The following MTMR2 variants were observed in gnomAD, a reference collection of about 807,000 sequenced individuals.
MTMR2 encodes the protein myotubularin related protein 2, also known as phosphatidylinositol-3,5-bisphosphate 3-phosphatase MTMR2.
A neutral mutation model predicts 86.9 loss-of-function variants in MTMR2; 55 were observed. That is an observed-to-expected ratio of 0.63 (90% CI 0.51 to 0.79). MTMR2 has a LOEUF of 0.79. MTMR2 is among the 30% of genes least tolerant of loss of function. The probability of loss-of-function intolerance (pLI) is 0.00; values close to 1 mark genes in which losing one functional copy is unlikely to be tolerated. For synonymous variants in MTMR2, 241 were observed against 266.8 expected, an observed-to-expected ratio of 0.90 and a Z score of 0.94; for missense variants, 659 against 772.3, an observed-to-expected ratio of 0.85 and a Z score of 1.74.
At chr11:95,864,497 C>A (rs1864536465) in intron 3 of MTMR2, among the ~76,000 whole-genome samples, 1 of 152,152 alleles carries the variant, frequency 6.6e-6, no homozygotes, top group Non-Finnish European at 1.5e-5. Flanking sequence ...GCCTTAGTTT[C>A]CTTCCTCACC....
At chr11:95,891,979 A>G (rs1865731732) in intron 1 of MTMR2, among the ~76,000 whole-genome samples, 1 of 152,200 alleles carries the variant, frequency 6.6e-6, no homozygotes, top group Admixed American at 6.5e-5. Context: ...TGCCTTTAGC[A>G]GCTACTCAGA....
chr11:95,878,625 C>T (rs113928589), intron 2 of MTMR2, among the ~76,000 whole-genome samples: 4,716 of 152,106 alleles, frequency 0.031, 131 homozygotes, highest in South Asian at 0.073. Flanking sequence ...TAATTTAATG[C>T]TTCCTTGACT....
At chr11:95,900,347 A>G (rs1866025490) in intron 1 of MTMR2, among the ~76,000 whole-genome samples, 1 of 152,192 alleles carries the variant, frequency 6.6e-6, no homozygotes, top group South Asian at 2.1e-4. Context: ...ATATAAAACA[A>G]GATTTAATAC....
intron 1 of MTMR2, chr11:95,923,658 T>A (rs1237759548): frequency 7.0e-7 from 1 of 1,418,530 alleles, no homozygotes; most frequent in Admixed American, 2.9e-5. Flanking sequence ...ATATGAAAGG[T>A]AGAGGAATCG....
At chr11:95,903,413 C>T (rs1365682611) in intron 1 of MTMR2, among the ~76,000 whole-genome samples, 7 of 152,120 alleles carry the variant, frequency 4.6e-5, no homozygotes, top group African/African-American at 9.7e-5. Flanking sequence ...CTTGTCAACA[C>T]GGAAAGCTGC....
chr11:95,909,322 GT>G (rs1396567620), intron 1 of MTMR2, among the ~76,000 whole-genome samples: 1 of 152,120 alleles, frequency 6.6e-6, no homozygotes, highest in African/African-American at 2.4e-5. Flanking sequence ...TGTAGATTTT[GT>G]TTTTAGTTAC....
intron 2 of MTMR2, among the ~76,000 whole-genome samples, chr11:95,882,043 C>G (rs1172329448): frequency 6.6e-6 from 1 of 152,088 alleles, no homozygotes; most frequent in Non-Finnish European, 1.5e-5. Flanking sequence ...TGGTGCTAAT[C>G]ATAAATAAAT....
chr11:95,836,128 GTATATT>G lies in MTMR2; in HGVS notation c.1770+14_1770+19del, dbSNP rs751182047. The G allele has an allele frequency of 5.1e-4, 812 of 1,587,644 alleles. 5 individuals carry two copies. The African/African-American group carries it at 9.7e-3, about 19-fold the overall frequency. On this transcript the variant is annotated intron_variant, in intron 14 of 14. Coordinates refer to ENST00000346299, the MANE Select transcript of MTMR2 (RefSeq NM_016156.6). ...CACTGCATGAATGAAAACTCCCATT[GTATATT>G]GTAAGGCACATACCTGTGGTTTCAT...
chr11:95,885,829 C>G (rs1591022878), intron 2 of MTMR2, among the ~76,000 whole-genome samples: 1 of 152,130 alleles, frequency 6.6e-6, no homozygotes, highest in East Asian at 1.9e-4. Flanking sequence ...CCTAACACCG[C>G]CTCAACCAAG....
Position 95,888,138 on chromosome 11 carries a change from T to G in MTMR2, c.186+18A>C. The G allele has an allele frequency of 6.4e-7, 1 of 1,553,512 alleles. No homozygotes were observed. ...TAACAGAAAGTACTTCATCAGAACT[T>G]TAAAATAGTATACATACCCTCAAAT... On this transcript the variant is annotated intron_variant, in intron 2 of 14. Coordinates refer to ENST00000346299, the MANE Select transcript of MTMR2 (RefSeq NM_016156.6).
At chr11:95,839,804 G>A (rs1367325897) in intron 12 of MTMR2, among the ~76,000 whole-genome samples, 1 of 152,078 alleles carries the variant, frequency 6.6e-6, no homozygotes, top group Non-Finnish European at 1.5e-5. Context: ...CAAACATTAT[G>A]ACTAGTTAAT....
rs534681119 is a variant in MTMR2, at chr11:95,900,448, A to G, written c.81-12187T>C. Among the ~76,000 whole-genome samples the G allele has an allele frequency of 5.9e-5, 9 of 152,314 alleles. No homozygotes were observed. In the East Asian group the frequency reaches 1.7e-3, roughly 29 times the overall value. ...AATGAGAGAAAAGTCCATTGGACTG[A>G]TTAATAAAATGATAAATTAATTACA... On this transcript the variant is annotated intron_variant, in intron 1 of 14. Transcript: ENST00000346299.
intron 3 of MTMR2, 170 bp downstream of exon 3, chr11:95,865,431 T>G: frequency 1.4e-6 from 1 of 692,534 alleles, no homozygotes; most frequent in Non-Finnish European, 2.6e-6. Context: ...GCAGCGGGTC[T>G]AGGCTTACGT....
At chr11:95,876,394 G>C (rs1185943889) in intron 2 of MTMR2, among the ~76,000 whole-genome samples, 4 of 152,208 alleles carry the variant, frequency 2.6e-5, no homozygotes, top group African/African-American at 4.8e-5. Flanking sequence ...TATGAGGGAA[G>C]AAAATTCACT....
chr11:95,871,645 G>A (rs1446943413), intron 2 of MTMR2, among the ~76,000 whole-genome samples: 1 of 152,306 alleles, frequency 6.6e-6, no homozygotes, highest in Non-Finnish European at 1.5e-5. Context: ...GCCTTTGTCA[G>A]ATGAGTAGAT....
intron 5 of MTMR2, among the ~76,000 whole-genome samples, chr11:95,859,942 G>A (rs1346338365): frequency 6.6e-6 from 1 of 152,116 alleles, no homozygotes; most frequent in Non-Finnish European, 1.5e-5. Flanking sequence ...ATAACTAGGT[G>A]AGATACTCAG....
intron 1 of MTMR2, among the ~76,000 whole-genome samples, chr11:95,911,932 C>T (rs1003178988): frequency 6.6e-6 from 1 of 152,048 alleles, no homozygotes; most frequent in Non-Finnish European, 1.5e-5. Context: ...GTCATATATC[C>T]ATTATTTTTG....
intron 2 of MTMR2, among the ~76,000 whole-genome samples, chr11:95,880,335 G>C (rs1344893758): frequency 1.3e-5 from 2 of 152,034 alleles, no homozygotes; most frequent in Admixed American, 1.3e-4. Flanking sequence ...TAGCTAGATA[G>C]ATACCATTCT....
At chr11:95,923,460 T>C (rs754089485) in intron 1 of MTMR2, among the ~76,000 whole-genome samples, 13 of 148,786 alleles carry the variant, frequency 8.7e-5, no homozygotes, top group Non-Finnish European at 1.5e-4. Flanking sequence ...ACCAAAGACA[T>C]AAGAAGGGGT....
Sources: allele counts gnomAD v4.1 joint callset (sites outside exome capture counted in the v4.1 genomes callset), GRCh38; gene constraint gnomAD v4.1.1; transcripts MANE v1.5; gene names NCBI Gene and HGNC (gene_info 2026-07-23, HGNC 2026-07-21).